Variants in TMEM230 observed in about 807,000 individuals in gnomAD.
TMEM230 encodes the protein transmembrane protein 230.
A neutral mutation model predicts 15.8 loss-of-function variants in TMEM230; 10 were observed. The observed-to-expected ratio is 0.63, with a 90% CI of 0.39 to 1.07. The LOEUF (loss-of-function observed/expected upper bound fraction) is 1.07. TMEM230 is among the 50% of genes least tolerant of loss of function. The pLI, the probability that TMEM230 is intolerant of heterozygous loss-of-function variation, is 0.01. For missense variants in TMEM230, 165 were observed against 193.3 expected, an observed-to-expected ratio of 0.85 and a Z score of 0.87; for synonymous variants, 67 against 76.9, an observed-to-expected ratio of 0.87 and a Z score of 0.68.
chr20:5,081,182 G>C (rs1266470795), intron 3 of TMEM230, among the ~76,000 whole-genome samples: 1 of 152,222 alleles, frequency 6.6e-6, no homozygotes, highest in African/African-American at 2.4e-5. Context: ...AGGAGAATTA[G>C]AGAGAAGCAT....
chr20:5,111,607 TA>T lies in TMEM230; in HGVS notation c.69-3del, dbSNP rs758119588. 6.5e-3 allele frequency: 384 copies of T among 58,726 alleles called. 3 individuals are homozygous for T. Among genetic ancestry groups the T allele is most frequent in the Admixed American group, 8.2e-3 (26 of 3,156 alleles). 3.6% of individuals were successfully genotyped at this position (58,726 alleles called of 1,614,324 possible). On this transcript the variant is annotated splice_region_variant and splice_polypyrimidine_tract_variant and intron_variant, in intron 1 of 4. Coordinates refer to ENST00000342308, the MANE Select transcript of TMEM230 (RefSeq NM_001009923.2). ...CTGGGCGACAGAACTAGACTCCATC[TA>T]AAAAAAAAAAAAAAAAAAAAAAAAA...
chr20:5,082,922 GTT>G (rs140284230), intron 3 of TMEM230, among the ~76,000 whole-genome samples: 5,661 of 127,370 alleles, frequency 0.044, 220 homozygotes, highest in African/African-American at 0.15. Context: ...TCTTCATATT[GTT>G]TTTTTTTTTT....
intron 3 of TMEM230, among the ~76,000 whole-genome samples, chr20:5,093,477 G>A (rs1267627456): frequency 6.6e-6 from 1 of 152,134 alleles, no homozygotes; most frequent in Non-Finnish European, 1.5e-5. Flanking sequence ...CTGGGCTCAC[G>A]CAATCTGCCT....
At chr20:5,091,431 G>A (rs929452331) in intron 3 of TMEM230, among the ~76,000 whole-genome samples, 2 of 152,098 alleles carry the variant, frequency 1.3e-5, no homozygotes, top group African/African-American at 2.4e-5. Flanking sequence ...GACTGGTCTT[G>A]AACTCCTGAC....
chr20:5,069,429 T>A, intron 3 of TMEM230: 1 of 1,410,410 alleles, frequency 7.1e-7, no homozygotes, highest in Non-Finnish European at 9.4e-7. Flanking sequence ...TGTCAAGAAA[T>A]CACATCTTAT....
chr20:5,071,634 A>AC (rs2088830825), intron 3 of TMEM230, among the ~76,000 whole-genome samples: 1 of 13,182 alleles, frequency 7.6e-5, no homozygotes, highest in African/African-American at 9.1e-5. Context: ...AAAAAAAAAA[A>AC]AAAACAAAAA....
At chr20:5,061,170 T>C in the TMEM230 span, 3 of 152,330 alleles carry the variant, frequency 2.0e-5, no homozygotes, top group East Asian at 3.9e-4. Context: ...CCTTACTTTT[T>C]CCCTCCTCTT....
chr20:5,094,345 C>T (rs1456011198), intron 3 of TMEM230, among the ~76,000 whole-genome samples: 1 of 151,862 alleles, frequency 6.6e-6, no homozygotes, highest in Non-Finnish European at 1.5e-5. Flanking sequence ...CTGGGCTCAA[C>T]TGATCCCATC....
chr20:5,064,024 G>C (rs770574875), downstream of TMEM230, among the ~76,000 whole-genome samples: 71 of 152,140 alleles, frequency 4.7e-4, no homozygotes, highest in Non-Finnish European at 8.8e-4. Flanking sequence ...CCAGCACTTT[G>C]AGAGGCTGAA....
At chr20:5,099,248 A>AATC (rs2089762386), downstream of TMEM230, among the ~76,000 whole-genome samples, 1 of 146,812 alleles carries the variant, frequency 6.8e-6, no homozygotes, top group Non-Finnish European at 1.5e-5. Flanking sequence ...ATCAATCAAT[A>AATC]ATAAATAAAA....
At chr20:5,068,060 T>G (rs1224103096), downstream of TMEM230, 1 of 152,232 alleles carries the variant, frequency 6.6e-6, no homozygotes, top group Non-Finnish European at 1.5e-5. Flanking sequence ...GTCACTGCGC[T>G]CAGCCTCAGG....
At chr20:5,078,771 A>G (rs2089085023) in intron 3 of TMEM230, among the ~76,000 whole-genome samples, 1 of 152,242 alleles carries the variant, frequency 6.6e-6, no homozygotes, top group South Asian at 2.1e-4. Flanking sequence ...ATGAGCCCAC[A>G]GAACTGGGCC....
At chr20:5,112,613 CT>C (rs1358173037) in intron 1 of TMEM230, 1 of 1,112,978 alleles carries the variant, frequency 9.0e-7, no homozygotes, top group Non-Finnish European at 1.2e-6. Context: ...TGCCAACAGG[CT>C]TTTTACCAGC....
At chr20:5,089,094 G>A (rs2089437315) in intron 3 of TMEM230, among the ~76,000 whole-genome samples, 2 of 152,244 alleles carry the variant, frequency 1.3e-5, no homozygotes, top group Non-Finnish European at 2.9e-5. Flanking sequence ...AAGTAACAGA[G>A]CTGGGTGTGG....
chr20:5,077,601 A>C (rs535840311), intron 3 of TMEM230, among the ~76,000 whole-genome samples: 7 of 152,170 alleles, frequency 4.6e-5, no homozygotes, highest in African/African-American at 1.7e-4. Context: ...TGGGGGGCTG[A>C]GGTGGGTGGA....
At chr20:5,079,463 G>A (rs1342035599) in intron 3 of TMEM230, among the ~76,000 whole-genome samples, 1 of 152,142 alleles carries the variant, frequency 6.6e-6, no homozygotes, top group Non-Finnish European at 1.5e-5. Context: ...AGATGAATTT[G>A]CATTTCTTTA....
intron 3 of TMEM230, among the ~76,000 whole-genome samples, chr20:5,073,302 AG>A (rs2088886214): frequency 1.3e-5 from 2 of 152,254 alleles, no homozygotes; most frequent in Admixed American, 1.3e-4. Context: ...AAGGTTCTGA[AG>A]GTGGGGCACA....
intron 2 of TMEM230, among the ~76,000 whole-genome samples, chr20:5,109,914 G>A (rs561308045): frequency 2.8e-4 from 42 of 152,234 alleles, no homozygotes; most frequent in Non-Finnish European, 4.7e-4. Flanking sequence ...TCTCTTGTTT[G>A]ACAGGGAGGG....
intron 2 of TMEM230, among the ~76,000 whole-genome samples, chr20:5,110,268 C>T (rs913777247): frequency 2.0e-5 from 3 of 151,066 alleles, no homozygotes; most frequent in African/African-American, 4.9e-5. Flanking sequence ...CCATGGTGGC[C>T]GGGCTGGTCT....
Sources: gnomAD v4.1 joint callset for allele counts (sites outside exome capture counted in the v4.1 genomes callset) on GRCh38, gnomAD v4.1.1 for gene constraint, MANE v1.5 for transcripts, NCBI Gene and HGNC (gene_info 2026-07-23, HGNC 2026-07-21) for gene names.